KDM6A: variants seen among roughly 807,000 people sequenced by gnomAD.
The protein encoded by KDM6A is lysine-specific demethylase 6A.
A neutral mutation model predicts 117.6 loss-of-function variants in KDM6A; 11 were observed. The ratio of observed to expected loss-of-function variants is 0.09; its 90% CI spans 0.06 to 0.15. KDM6A has a LOEUF of 0.15. Among genes scored for constraint, KDM6A ranks in the 10% least tolerant of loss-of-function variants. KDM6A has a pLI of 1.00. For synonymous variants in KDM6A, 384 were observed against 396.1 expected (o/e 0.97, Z 0.36); for missense variants, 799 against 1,077.3 (o/e 0.74, Z 3.62).
intron 2 of KDM6A, among the ~76,000 whole-genome samples, chrX:44,925,109 AT>A (rs1370146746): frequency 9.0e-5 from 10 of 111,682 alleles, no homozygotes; most frequent in Admixed American, 8.6e-4. Flanking sequence ...TTCTAGGGTA[AT>A]TTCTTTACCT....
intron 3 of KDM6A, among the ~76,000 whole-genome samples, chrX:44,963,000 A>G (rs1304557508): frequency 3.6e-5 from 4 of 111,904 alleles, no homozygotes; most frequent in African/African-American, 1.3e-4. Flanking sequence ...GTAGCATATG[A>G]TGCTGTTTGA....
intron 18 of KDM6A, among the ~76,000 whole-genome samples, chrX:45,072,323 A>C (rs144116881): frequency 3.2e-4 from 36 of 111,661 alleles, no homozygotes; most frequent in Non-Finnish European, 5.8e-4. Context: ...CAGTAACTTA[A>C]GAGGACATTG....
chrX:45,035,052 T>C lies in KDM6A; in HGVS notation c.619+67T>C, dbSNP rs1226999685. 4.6e-6 allele frequency: 4 copies of C among 872,534 alleles called. No individual in the cohort carries two copies. In the Admixed American group the frequency reaches 8.9e-5, roughly 19 times the overall value. 71.9% of individuals were successfully genotyped at this position (872,534 alleles called of 1,213,427 possible). ...ATCACTTCATGGCAAATAACAATAA[T>C]GTTAGTGATAAATTCTGTGCAATTT... On this transcript the variant is annotated intron_variant, in intron 7 of 29. Transcript: ENST00000611820.
At chrX:45,044,909 T>C (rs2043458185) in intron 8 of KDM6A, among the ~76,000 whole-genome samples, 1 of 111,852 alleles carries the variant, frequency 8.9e-6, no homozygotes, top group Non-Finnish European at 1.9e-5. Context: ...CTTGTGTATG[T>C]TATTATACTA....
At position 45,079,128 on chromosome X, in the gene KDM6A, A is replaced by G. The variant is rs775747385; in HGVS notation, c.3095-18A>G. ...AATATAATTTTCATTTTTTAACTAC[A>G]TTTATGTATTCATGAAGACCTGGGA... On this transcript the variant is annotated intron_variant, in intron 20 of 29. Transcript: ENST00000611820. The G allele has an allele frequency of 2.6e-5, 30 of 1,139,586 alleles. No homozygotes were observed. In the Admixed American group the frequency reaches 6.6e-4, roughly 25 times the overall value. The allele number at this position is 1,139,586 out of a possible 1,213,427, so 93.9% of individuals were successfully genotyped here.
intron 2 of KDM6A, among the ~76,000 whole-genome samples, chrX:44,928,587 A>G (rs2036437733): frequency 8.9e-6 from 1 of 112,223 alleles, no homozygotes; most frequent in African/African-American, 3.2e-5. Flanking sequence ...ACATTTTGTA[A>G]AAGCAGATAC....
intron 2 of KDM6A, among the ~76,000 whole-genome samples, chrX:44,903,701 A>G (rs1464025148): frequency 5.4e-5 from 6 of 110,872 alleles, no homozygotes; most frequent in African/African-American, 2.0e-4. Flanking sequence ...GCCTGTTCAA[A>G]TATTCACTAG....
chrX:44,997,423 C>T (rs1650035247), intron 4 of KDM6A, among the ~76,000 whole-genome samples: 1 of 111,762 alleles, frequency 8.9e-6, no homozygotes, highest in African/African-American at 3.3e-5. Context: ...GTGTGCTCTT[C>T]CGCCTGCATG....
intron 27 of KDM6A, among the ~76,000 whole-genome samples, chrX:45,094,681 G>A (rs1266153410): frequency 9.0e-6 from 1 of 111,600 alleles, no homozygotes; most frequent in African/African-American, 3.3e-5. Context: ...ACTCTGTAGA[G>A]GAATAGCAAA....
chrX:44,978,252 A>T (rs757016721), intron 4 of KDM6A, among the ~76,000 whole-genome samples: 1 of 112,557 alleles, frequency 8.9e-6, no homozygotes, highest in East Asian at 2.8e-4. Flanking sequence ...ACAATATTTA[A>T]GATTATCTTT....
At chrX:45,079,606 C>T (rs1284450225) in intron 21 of KDM6A, among the ~76,000 whole-genome samples, 3 of 111,911 alleles carry the variant, frequency 2.7e-5, no homozygotes, top group Admixed American at 1.9e-4. Context: ...CGCAGTGGCA[C>T]GATCTTGGCT....
At chrX:44,953,348 A>G (rs1385163256) in intron 2 of KDM6A, among the ~76,000 whole-genome samples, 1 of 111,470 alleles carries the variant, frequency 9.0e-6, no homozygotes, top group Non-Finnish European at 1.9e-5. Context: ...ATTGGGCAGA[A>G]TTTAATCACC....
intron 6 of KDM6A, among the ~76,000 whole-genome samples, chrX:45,022,758 T>C (rs888033640): frequency 3.6e-5 from 4 of 111,743 alleles, no homozygotes; most frequent in Non-Finnish European, 7.5e-5. Context: ...TGTGTTGGTA[T>C]AGATGCTTTT....
At chrX:44,975,063 G>T (rs752417992) in intron 4 of KDM6A, among the ~76,000 whole-genome samples, 1 of 111,642 alleles carries the variant, frequency 9.0e-6, no homozygotes, top group African/African-American at 3.3e-5. Flanking sequence ...GGCTGAAGAC[G>T]TGTATATCAG....
chrX:44,897,740 G>GT (rs982555440), intron 2 of KDM6A, among the ~76,000 whole-genome samples: 5 of 110,088 alleles, frequency 4.5e-5, no homozygotes, highest in Non-Finnish European at 9.5e-5. Context: ...GGCTAATTTT[G>GT]TTTTTTTGTT....
chrX:44,916,391 GAAGA>G (rs981511029), intron 2 of KDM6A, among the ~76,000 whole-genome samples: 9 of 111,318 alleles, frequency 8.1e-5, no homozygotes, highest in Non-Finnish European at 1.5e-4. Flanking sequence ...ATGTTTGAGG[GAAGA>G]AAGAAAGGAA....
intron 2 of KDM6A, among the ~76,000 whole-genome samples, chrX:44,907,859 A>T (rs1411792407): frequency 9.5e-6 from 1 of 104,756 alleles, no homozygotes; most frequent in African/African-American, 3.6e-5. Flanking sequence ...ACTTTCACTC[A>T]TCCTGGGGCT....
intron 21 of KDM6A, 65 bp downstream of exon 21, chrX:45,079,416 AAG>A (rs1242012428): frequency 1.2e-6 from 1 of 822,652 alleles, no homozygotes; most frequent in Non-Finnish European, 1.8e-6. Context: ...GGAGTTTTGA[AAG>A]GACACATTAC....
At chrX:45,104,648 C>T (rs2046463036) in intron 27 of KDM6A, among the ~76,000 whole-genome samples, 2 of 111,382 alleles carry the variant, frequency 1.8e-5, no homozygotes, top group Admixed American at 1.9e-4. Context: ...GCCTCTCTCT[C>T]TCTAAATTCT....
Sources: allele counts gnomAD v4.1 joint callset (sites outside exome capture counted in the v4.1 genomes callset), GRCh38; gene constraint gnomAD v4.1.1; transcripts MANE v1.5; gene names NCBI Gene and HGNC (gene_info 2026-07-23, HGNC 2026-07-21).